Variants in HMCN1 observed in about 807,000 individuals in gnomAD.
HMCN1 encodes hemicentin 1.
In HMCN1, 321 loss-of-function variants were observed where a neutral mutation model predicts 625.9. The observed-to-expected ratio is 0.51, with a 90% CI of 0.47 to 0.56. The LOEUF (loss-of-function observed/expected upper bound fraction) is 0.56, where lower values mean the gene tolerates loss of function less well. Ranked by LOEUF, HMCN1 falls within the 20% of genes least tolerant of loss-of-function variation. The probability of loss-of-function intolerance (pLI) is 0.00; values close to 1 mark genes in which losing one functional copy is unlikely to be tolerated. For missense variants in HMCN1, 6,588 were observed against 6,887.3 expected (o/e 0.96, Z 1.54); for synonymous variants, 2,425 against 2,417.6 (o/e 1.00, Z -0.09).
chr1:185,951,774 G>A (rs1250872228), intron 11 of HMCN1, among the ~76,000 whole-genome samples: 1 of 151,850 alleles, frequency 6.6e-6, no homozygotes, highest in Non-Finnish European at 1.5e-5. Context: ...AGCTCCTGGG[G>A]GAGGAGGTTC....
intron 42 of HMCN1, among the ~76,000 whole-genome samples, chr1:186,049,868 G>A (rs1406644169): frequency 2.0e-5 from 3 of 151,640 alleles, no homozygotes; most frequent in Non-Finnish European, 4.4e-5. Context: ...AATCCTTCAG[G>A]CAGGTTATGA....
rs1651866561 is a variant in HMCN1, at chr1:186,166,201, G to A, written c.15337G>A (p.Ala5113Thr). Reference sequence around the variant, plus strand: ...TCTTTAAGATGAGGATGAATGTGCAGCAGGGAATCCCTGCTCCCATAGCTG... The same window carrying A: ...TCTTTAAGATGAGGATGAATGTGCAACAGGGAATCCCTGCTCCCATAGCTG... ...PFCADEDECAAGNPCSHSCHN... is the reference protein window; with the variant it reads ...PFCADEDECATGNPCSHSCHN... The change falls in exon 99 of 107, where the codon GCA becomes ACA. Residue 5113 changes from alanine to threonine, a missense_variant. Ala to Thr is a moderately conservative substitution (Grantham distance 58). Around this residue, in one of 3 missense-constraint regions of HMCN1, gnomAD observed 1,954 missense variants for 2,013.1 expected, o/e 0.97. Transcript: ENST00000271588. The A allele has an allele frequency of 6.2e-7, 1 of 1,614,060 alleles. No homozygotes were observed. Among genetic ancestry groups the A allele is most frequent in the East Asian group, 2.2e-5 (1 of 44,862 alleles).
At chr1:186,061,768 C>A in intron 46 of HMCN1, 83 bp from the exon 47 acceptor site, 1 of 841,022 alleles carries the variant, frequency 1.2e-6, no homozygotes, top group Middle Eastern at 2.3e-4. Flanking sequence ...TAAATTTTTA[C>A]CGAAATTGAG....
Position 186,117,626 on chromosome 1 carries a change from A to G in HMCN1, c.11848+3A>G. 1 of 1,612,996 alleles carries G rather than the reference A, an allele frequency of 6.2e-7. No homozygotes were observed. The highest frequency in any genetic ancestry group is 8.5e-7 in the Non-Finnish European group (1 of 1,179,006). ...TGGCTATAGAATTCTGTCCTCAGGTAAGACCAAGCTCAGTGATTTCACATC... is the reference window on the plus strand; with the variant it reads ...TGGCTATAGAATTCTGTCCTCAGGTGAGACCAAGCTCAGTGATTTCACATC... On this transcript the variant is annotated splice_donor_region_variant and intron_variant, in intron 77 of 106. Coordinates refer to ENST00000271588, the MANE Select transcript of HMCN1 (RefSeq NM_031935.3).
chr1:186,115,349 A>T lies in HMCN1; in HGVS notation c.11496A>T (p.Lys3832Asn). 1 of 1,614,022 alleles carries T rather than the reference A, an allele frequency of 6.2e-7. No homozygotes were observed. The highest frequency in any genetic ancestry group is 8.5e-7 in the Non-Finnish European group (1 of 1,179,942). ...CTTGTGAGGCTACTGGGATACCAAA[A>T]CCATCAATCAATTGGAGAAAAAATG... Reference protein sequence around the residue: ...TLACEATGIPKPSINWRKNGH... With the variant: ...TLACEATGIPNPSINWRKNGH... Residue 3832 changes from lysine (K) to asparagine (N), a missense_variant, in exon 75 of 107, where the codon AAA becomes AAT. Lys to Asn is a moderately conservative substitution (Grantham distance 94). Coordinates refer to ENST00000271588, the MANE Select transcript of HMCN1 (RefSeq NM_031935.3).
intron 97 of HMCN1, among the ~76,000 whole-genome samples, chr1:186,158,979 T>C (rs1217873363): frequency 6.6e-6 from 1 of 152,172 alleles, no homozygotes; most frequent in East Asian, 1.9e-4. Flanking sequence ...AAGTCATTGG[T>C]AGCTTGATGG....
chr1:185,968,399 A>T (rs913681651), intron 14 of HMCN1, among the ~76,000 whole-genome samples: 3 of 151,862 alleles, frequency 2.0e-5, no homozygotes, highest in Admixed American at 1.3e-4. Flanking sequence ...AAAATATAAT[A>T]TGTTCATTAT....
intron 83 of HMCN1, 74 bp from the exon 84 acceptor site, chr1:186,129,892 G>A (rs1661836271): frequency 2.5e-6 from 4 of 1,575,276 alleles, no homozygotes; most frequent in East Asian, 2.2e-5. Context: ...AATCTAATGT[G>A]CAAAATACTG....
Position 186,093,631 on chromosome 1 carries a change from C to A in HMCN1, c.10158C>A (p.Ser3386=). The A allele has an allele frequency of 6.2e-7, 1 of 1,613,388 alleles. No homozygotes were observed. The highest frequency in any genetic ancestry group is 1.1e-5 in the South Asian group (1 of 91,078). Residue 3386 remains serine (S), a synonymous_variant, in exon 66 of 107, where the codon TCC becomes TCA. Coordinates refer to ENST00000271588, the MANE Select transcript of HMCN1 (RefSeq NM_031935.3). The stretch of plus-strand genomic sequence containing the variant: ...AGAATGGACTTCCTCTGCCTCTCTC[C>A]TCCCATATCCGGTTACTGGCAGCAG... ...WLKNGLPLPL[S]SHIRLLAAGQ...
rs763458477 is a variant in HMCN1 at position 185,963,810 on chromosome 1, A to G, written c.2013A>G (p.Ala671=). 6.2e-7 allele frequency: 1 copy of G among 1,609,434 alleles called. No homozygotes were observed. Among genetic ancestry groups the G allele is most frequent in the South Asian group, 1.1e-5 (1 of 90,984 alleles). The change falls in exon 13 of 107, where the codon GCA becomes GCG. Residue 671 remains alanine, a synonymous_variant. Coordinates refer to ENST00000271588, the MANE Select transcript of HMCN1 (RefSeq NM_031935.3). ...ATGGTACCTTATTTATCAAAAATGC[A>G]GCTCCCAAAGATGCAGGGATCTATG... ...TSDGTLFIKN[A]APKDAGIYGC...
In HMCN1 at chr1:185,938,047, T is replaced by C. The variant is rs74134219; in HGVS notation, c.1828+4223T>C. On this transcript the variant is annotated intron_variant, in intron 11 of 106. Transcript: ENST00000271588. ...TTTATACTATATAAAAAATCATGGA[T>C]GTGGTGCATAAATTTGAGAAGTCTT... Among the ~76,000 whole-genome samples the C allele has an allele frequency of 3.4e-3, 521 of 151,810 alleles. 8 individuals carry two copies. Among genetic ancestry groups the C allele is most frequent in the African/African-American group, 0.012 (495 of 41,452 alleles).
intron 105 of HMCN1, among the ~76,000 whole-genome samples, chr1:186,186,445 T>A (rs1303816953): frequency 1.4e-4 from 21 of 152,262 alleles, no homozygotes; most frequent in Admixed American, 1.2e-3. Context: ...GAGAATCACT[T>A]GAGCCCAGGA....
chr1:185,776,435 T>C (rs2102159056), intron 1 of HMCN1, among the ~76,000 whole-genome samples: 1 of 134,220 alleles, frequency 7.5e-6, no homozygotes, highest in Admixed American at 7.3e-5. Context: ...ACAATAATTG[T>C]ATAGGGTTGT....
intron 11 of HMCN1, among the ~76,000 whole-genome samples, chr1:185,960,212 T>C (rs1649917345): frequency 6.9e-6 from 1 of 145,354 alleles, no homozygotes; most frequent in African/African-American, 2.5e-5. Flanking sequence ...CACTGCAACC[T>C]CTGCCTCCCA....
In HMCN1 at chr1:186,087,979, A is replaced by T; in HGVS notation, c.9411A>T (p.Gly3137=). 1 of 1,613,216 alleles carries T rather than the reference A, an allele frequency of 6.2e-7. No homozygotes were observed. The highest frequency in any genetic ancestry group is 8.5e-7 in the Non-Finnish European group (1 of 1,179,440). ...TATGTAGAGCTATAAATGTAGCAGG[A>T]CGGGATGATAAAAATTTCCACCTCA... ...QYVCRAINVA[G]RDDKNFHLNV... Residue 3137 remains glycine, a synonymous_variant, in exon 61 of 107, where the codon GGA becomes GGT. Coordinates refer to ENST00000271588, the MANE Select transcript of HMCN1 (RefSeq NM_031935.3).
intron 11 of HMCN1, among the ~76,000 whole-genome samples, chr1:185,950,629 C>A (rs1396700176): frequency 1.3e-5 from 2 of 151,764 alleles, no homozygotes; most frequent in Non-Finnish European, 2.9e-5. Context: ...GAAATTTGGG[C>A]TTGAGTGAAG....
chr1:186,010,962 A>C (rs1571711606), intron 30 of HMCN1, among the ~76,000 whole-genome samples: 1 of 152,246 alleles, frequency 6.6e-6, no homozygotes, highest in South Asian at 2.1e-4. Context: ...AAATAGAGTT[A>C]TTTTGTGGGG....
intron 2 of HMCN1, among the ~76,000 whole-genome samples, chr1:185,846,671 GT>G (rs1198238572): frequency 6.6e-6 from 1 of 152,108 alleles, no homozygotes; most frequent in Non-Finnish European, 1.5e-5. Context: ...TTCCGAGGCT[GT>G]TTCACTGTAC....
chr1:186,146,128 G>C (rs188411621), intron 93 of HMCN1, among the ~76,000 whole-genome samples: 1 of 152,044 alleles, frequency 6.6e-6, no homozygotes, highest in Non-Finnish European at 1.5e-5. Context: ...CAGGCTTCCT[G>C]GTAAAAGGAT....
Sources: allele counts gnomAD v4.1 joint callset (sites outside exome capture counted in the v4.1 genomes callset), GRCh38; gene constraint gnomAD v4.1.1; regional missense constraint gnomAD v4.1.1; transcripts MANE v1.5; gene names NCBI Gene and HGNC (gene_info 2026-07-23, HGNC 2026-07-21).